The following GNAQ variants were observed in gnomAD, a reference collection of about 807,000 sequenced individuals.
GNAQ encodes G protein subunit alpha q.
GNAQ carries 8 observed loss-of-function variants against 43.9 expected under a neutral mutation model. That is an observed-to-expected ratio of 0.18 (90% confidence interval 0.11 to 0.33). The LOEUF (loss-of-function observed/expected upper bound fraction) is 0.33, where lower values mean the gene tolerates loss of function less well. Ranked by LOEUF, GNAQ falls within the 10% of genes least tolerant of loss-of-function variation. The pLI, the probability that GNAQ is intolerant of heterozygous loss-of-function variation, is 1.00. For synonymous variants in GNAQ, 155 were observed against 170.7 expected (o/e 0.91, Z 0.71); for missense variants, 158 against 450.8 (o/e 0.35, Z 5.88).
intron 1 of GNAQ, among the ~76,000 whole-genome samples, chr9:77,983,221 A>T (rs1037866413): frequency 6.6e-6 from 1 of 152,216 alleles, no homozygotes; most frequent in Non-Finnish European, 1.5e-5. Context: ...GTGCATGGTG[A>T]TAACATTTAC....
chr9:77,718,017 TG>T lies in GNAQ; in HGVS notation c.*3305del, dbSNP rs1413884083. The T allele has an allele frequency of 4.3e-6, 1 of 232,856 alleles. No homozygotes were observed. The highest frequency in any genetic ancestry group is 2.2e-5 in the African/African-American group (1 of 45,346). 14.4% of individuals were successfully genotyped at this position (232,856 alleles called of 1,614,324 possible). On this transcript the variant is annotated 3_prime_UTR_variant, in exon 7 of 7. Coordinates refer to ENST00000286548, the MANE Select transcript of GNAQ (RefSeq NM_002072.5). ...TCCAATTTACAAATAAGGAATTCTCTGGGGGTTAGAACTGCCATGTCACGCA... is the reference window on the plus strand; with the variant it reads ...TCCAATTTACAAATAAGGAATTCTCTGGGGTTAGAACTGCCATGTCACGCA...
At chr9:77,779,680 CAAAAAAAA>C (rs58014303) in intron 5 of GNAQ, among the ~76,000 whole-genome samples, 1 of 95,942 alleles carries the variant, frequency 1.0e-5, no homozygotes, top group African/African-American at 4.1e-5. Context: ...AAAAACAAAA[CAAAAAAAA>C]AAAAAAAAAA....
At chr9:77,893,380 G>A (rs1828435220) in intron 2 of GNAQ, among the ~76,000 whole-genome samples, 1 of 152,140 alleles carries the variant, frequency 6.6e-6, no homozygotes, top group Non-Finnish European at 1.5e-5. Flanking sequence ...CAGATGCCAT[G>A]GCAATGTTCA....
chr9:77,846,044 A>G (rs1165625725), intron 2 of GNAQ, among the ~76,000 whole-genome samples: 1 of 152,222 alleles, frequency 6.6e-6, no homozygotes, highest in Non-Finnish European at 1.5e-5. Flanking sequence ...AACGAGGCAC[A>G]CTTGTGCTCA....
chr9:77,891,209 ATT>A (rs1828399610), intron 2 of GNAQ, among the ~76,000 whole-genome samples: 2 of 152,046 alleles, frequency 1.3e-5, no homozygotes, highest in Non-Finnish European at 2.9e-5. Flanking sequence ...CCTCATACAT[ATT>A]CTCATCTAAA....
chr9:77,799,670 AG>A (rs1826712892), intron 3 of GNAQ, among the ~76,000 whole-genome samples: 1 of 152,250 alleles, frequency 6.6e-6, no homozygotes, highest in South Asian at 2.1e-4. Context: ...TTTAACAAAG[AG>A]TTAAGTCTGA....
chr9:77,956,819 T>G (rs1324385261), intron 1 of GNAQ, among the ~76,000 whole-genome samples: 2 of 152,178 alleles, frequency 1.3e-5, no homozygotes, highest in Non-Finnish European at 2.9e-5. Context: ...AGGGACACAC[T>G]GTCTCTTTAC....
At chr9:77,881,904 G>A (rs1451485623) in intron 2 of GNAQ, among the ~76,000 whole-genome samples, 2 of 152,162 alleles carry the variant, frequency 1.3e-5, no homozygotes, top group East Asian at 1.9e-4. Context: ...TTGGGAGGCC[G>A]TGGCAGGCGG....
chr9:77,787,453 A>G (rs1199504387), intron 5 of GNAQ, among the ~76,000 whole-genome samples: 1 of 152,212 alleles, frequency 6.6e-6, no homozygotes, highest in Non-Finnish European at 1.5e-5. Context: ...TCACAATTAA[A>G]AAGGTAAAAA....
intron 5 of GNAQ, among the ~76,000 whole-genome samples, chr9:77,741,078 C>T (rs1439444130): frequency 1.3e-5 from 2 of 152,012 alleles, no homozygotes; most frequent in African/African-American, 2.4e-5. Context: ...TTTTTTTCAA[C>T]CATTTTAAAA....
chr9:78,020,291 A>G (rs1239894827), intron 1 of GNAQ, among the ~76,000 whole-genome samples: 4 of 152,172 alleles, frequency 2.6e-5, no homozygotes, highest in African/African-American at 9.7e-5. Flanking sequence ...CAAAACAGTA[A>G]TAGATGCATT....
intron 2 of GNAQ, among the ~76,000 whole-genome samples, chr9:77,851,442 T>C (rs1827675042): frequency 6.6e-6 from 1 of 152,216 alleles, no homozygotes; most frequent in Non-Finnish European, 1.5e-5. Context: ...CCAAAATCTG[T>C]GGCTCCTGAG....
At position 77,948,466 on chromosome 9, in the gene GNAQ, G is replaced by A. The variant is rs149230778; in HGVS notation, c.137-26121C>T. Among the ~76,000 whole-genome samples, 173 of 152,242 alleles carry A rather than the reference G, an allele frequency of 1.1e-3. 2 individuals are homozygous for A. The highest frequency in any genetic ancestry group is 3.9e-3 in the African/African-American group (163 of 41,536). On this transcript the variant is annotated intron_variant, in intron 1 of 6. Coordinates refer to ENST00000286548, the MANE Select transcript of GNAQ (RefSeq NM_002072.5). ...CTGACACGGGACTACTCAGAAAGCG[G>A]GGGACCTAGCGGTAGGGATGGAAGA...
chr9:77,908,493 C>A (rs918539495), intron 2 of GNAQ, among the ~76,000 whole-genome samples: 18 of 152,184 alleles, frequency 1.2e-4, no homozygotes, highest in African/African-American at 3.1e-4. Flanking sequence ...TGACCTAGCA[C>A]TTTCTGGGAA....
intron 2 of GNAQ, among the ~76,000 whole-genome samples, chr9:77,897,715 G>A (rs193185721): frequency 3.9e-5 from 6 of 152,166 alleles, no homozygotes; most frequent in Admixed American, 1.3e-4. Context: ...CCAAAAAAAC[G>A]TATGTTTGAG....
chr9:77,981,737 CA>C (rs1191654677), intron 1 of GNAQ, among the ~76,000 whole-genome samples: 1 of 152,144 alleles, frequency 6.6e-6, no homozygotes, highest in Admixed American at 6.5e-5. Context: ...AGCTATTAGA[CA>C]TGTCTCAAGA....
At chr9:77,733,233 T>C (rs926342543) in intron 5 of GNAQ, among the ~76,000 whole-genome samples, 1 of 152,210 alleles carries the variant, frequency 6.6e-6, no homozygotes, top group African/African-American at 2.4e-5. Flanking sequence ...AAAGCCCTGT[T>C]TGAGCCATCA....
chr9:77,916,476 T>C (rs964940348), intron 2 of GNAQ, among the ~76,000 whole-genome samples: 1 of 152,156 alleles, frequency 6.6e-6, no homozygotes, highest in Non-Finnish European at 1.5e-5. Flanking sequence ...AAATGAAAAA[T>C]GGCTTCTGGG....
chr9:77,775,038 C>T (rs1173767903), intron 5 of GNAQ, among the ~76,000 whole-genome samples: 3 of 152,098 alleles, frequency 2.0e-5, no homozygotes, highest in South Asian at 2.1e-4. Context: ...GCATGCTGTA[C>T]GTGCTGTTTT....
Sources: gnomAD v4.1 joint callset for allele counts (sites outside exome capture counted in the v4.1 genomes callset) on GRCh38, gnomAD v4.1.1 for gene constraint, MANE v1.5 for transcripts, NCBI Gene and HGNC (gene_info 2026-07-23, HGNC 2026-07-21) for gene names.